ADCY2: variants seen among roughly 807,000 people sequenced by gnomAD.
The protein encoded by ADCY2 is adenylate cyclase 2.
Under a neutral mutation model 125.2 loss-of-function variants are expected in ADCY2, and 31 were observed. The observed-to-expected ratio is 0.25, with a 90% CI of 0.19 to 0.33. The LOEUF is 0.33. Among genes scored for constraint, ADCY2 ranks in the 10% least tolerant of loss-of-function variants. ADCY2 has a pLI of 1.00. For missense variants in ADCY2, 904 were observed against 1,418.2 expected (o/e 0.64, Z 5.82); for synonymous variants, 512 against 548.4 (o/e 0.93, Z 0.93).
At chr5:7,810,147 T>C (rs764825960) in intron 22 of ADCY2, among the ~76,000 whole-genome samples, 31 of 152,232 alleles carry the variant, frequency 2.0e-4, no homozygotes, top group Non-Finnish European at 8.8e-5. Flanking sequence ...CCTTGACTTG[T>C]AGAGTTTTGC....
intron 15 of ADCY2, chr5:7,746,170 GA>G (rs1742617903): frequency 6.6e-6 from 1 of 152,392 alleles, no homozygotes; most frequent in East Asian, 1.9e-4. Flanking sequence ...ATCACAAAGG[GA>G]AGATTTCAAT....
chr5:7,405,713 C>T (rs1430471259), intron 1 of ADCY2, among the ~76,000 whole-genome samples: 1 of 152,206 alleles, frequency 6.6e-6, no homozygotes, highest in African/African-American at 2.4e-5. Flanking sequence ...GAGAGAATTA[C>T]ACATGGGCAT....
intron 3 of ADCY2, among the ~76,000 whole-genome samples, chr5:7,538,217 A>G (rs1469113030): frequency 6.6e-6 from 1 of 152,188 alleles, no homozygotes; most frequent in Non-Finnish European, 1.5e-5. Flanking sequence ...TTTTTCAAAG[A>G]TAGCATGATC....
At chr5:7,705,969 T>C (rs1268694925) in intron 7 of ADCY2, among the ~76,000 whole-genome samples, 2 of 152,226 alleles carry the variant, frequency 1.3e-5, no homozygotes, top group Non-Finnish European at 2.9e-5. Flanking sequence ...CTTTATTTGA[T>C]TGTGCTGCAG....
At chr5:7,631,453 G>A (rs771553289) in intron 4 of ADCY2, among the ~76,000 whole-genome samples, 1 of 152,176 alleles carries the variant, frequency 6.6e-6, no homozygotes, top group Non-Finnish European at 1.5e-5. Flanking sequence ...GTGAGTAAGT[G>A]TAACTTCCAG....
chr5:7,538,855 C>CT (rs1561081648), intron 3 of ADCY2, among the ~76,000 whole-genome samples: 1 of 136,040 alleles, frequency 7.4e-6, no homozygotes, highest in Non-Finnish European at 1.6e-5. Context: ...TTTTTCTTTT[C>CT]TTTTCTTTTC....
At chr5:7,775,888 C>T (rs1046527526) in intron 18 of ADCY2, among the ~76,000 whole-genome samples, 3 of 152,192 alleles carry the variant, frequency 2.0e-5, no homozygotes, top group East Asian at 3.9e-4. Flanking sequence ...TTAACTGATG[C>T]GATAGCAGAA....
At chr5:7,684,305 G>A (rs1740439818) in intron 4 of ADCY2, among the ~76,000 whole-genome samples, 1 of 152,178 alleles carries the variant, frequency 6.6e-6, no homozygotes, top group Non-Finnish European at 1.5e-5. Flanking sequence ...TGTGCCACAA[G>A]GTGCCCTGTG....
chr5:7,565,722 A>G (rs950744900), intron 3 of ADCY2, among the ~76,000 whole-genome samples: 1 of 152,190 alleles, frequency 6.6e-6, no homozygotes, highest in Admixed American at 6.5e-5. Flanking sequence ...CAAGTCTTTG[A>G]GGACACCTCT....
intron 2 of ADCY2, among the ~76,000 whole-genome samples, chr5:7,513,746 G>A (rs1455108948): frequency 6.6e-6 from 1 of 152,202 alleles, no homozygotes; most frequent in Non-Finnish European, 1.5e-5. Flanking sequence ...CGGTACTATT[G>A]TTGGAAGGTA....
At chr5:7,584,722 A>C (rs957503338) in intron 3 of ADCY2, among the ~76,000 whole-genome samples, 1 of 152,180 alleles carries the variant, frequency 6.6e-6, no homozygotes, top group Admixed American at 6.5e-5. Flanking sequence ...TCAGAAATGC[A>C]GGTGTACAAA....
chr5:7,761,645 G>C (rs112470036), intron 16 of ADCY2, among the ~76,000 whole-genome samples: 1,805 of 152,164 alleles, frequency 0.012, 44 homozygotes, highest in African/African-American at 0.041. Context: ...AATAAGAAAC[G>C]ATTTCTTTTC....
At chr5:7,425,416 A>G (rs566561933) in intron 2 of ADCY2, among the ~76,000 whole-genome samples, 1 of 152,360 alleles carries the variant, frequency 6.6e-6, no homozygotes, top group African/African-American at 2.4e-5. Context: ...AAACATTCTT[A>G]AGAGAATTTG....
At chr5:7,464,077 C>T (rs910180493) in intron 2 of ADCY2, among the ~76,000 whole-genome samples, 7 of 152,054 alleles carry the variant, frequency 4.6e-5, no homozygotes, top group African/African-American at 1.7e-4. Flanking sequence ...ACAAACCGTA[C>T]TCTCATTTTA....
chr5:7,406,185 T>C (rs1468745135), intron 1 of ADCY2, among the ~76,000 whole-genome samples: 1 of 152,154 alleles, frequency 6.6e-6, no homozygotes, highest in Admixed American at 6.5e-5. Flanking sequence ...GAAGAAAATA[T>C]ACATACTCCC....
At chr5:7,708,046 T>C (rs554138182) in intron 9 of ADCY2, 2 of 531,548 alleles carry the variant, frequency 3.8e-6, no homozygotes, top group Non-Finnish European at 6.3e-6. Flanking sequence ...AATGCACTGC[T>C]TTTCTGCAGG....
intron 20 of ADCY2, 28 bp downstream of exon 20, chr5:7,789,828 G>C: frequency 6.9e-7 from 1 of 1,451,966 alleles, no homozygotes; most frequent in Non-Finnish European, 9.2e-7. Flanking sequence ...GGGGGCTGGG[G>C]GAGGGGGCTG....
intron 18 of ADCY2, among the ~76,000 whole-genome samples, chr5:7,779,830 C>T (rs1286995656): frequency 1.3e-5 from 2 of 152,172 alleles, no homozygotes; most frequent in African/African-American, 4.8e-5. Flanking sequence ...GGAGAGAATG[C>T]CCAGAAACCC....
chr5:7,591,020 T>C (rs1736835245), intron 3 of ADCY2, among the ~76,000 whole-genome samples: 1 of 152,196 alleles, frequency 6.6e-6, no homozygotes, highest in Non-Finnish European at 1.5e-5. Flanking sequence ...TTCATACACA[T>C]CTTCAAAATT....
Sources: gnomAD v4.1 joint callset for allele counts (sites outside exome capture counted in the v4.1 genomes callset) on GRCh38, gnomAD v4.1.1 for gene constraint, MANE v1.5 for transcripts, NCBI Gene and HGNC (gene_info 2026-07-23, HGNC 2026-07-21) for gene names.